SREK1: variants seen among roughly 807,000 people sequenced by gnomAD.
The protein encoded by SREK1 is splicing regulatory glutamine/lysine-rich protein 1.
SREK1 carries 13 observed loss-of-function variants against 66.5 expected under a neutral mutation model. The ratio of observed to expected loss-of-function variants is 0.20; its 90% confidence interval spans 0.13 to 0.31. The LOEUF is 0.31. Ranked by LOEUF, SREK1 falls within the 10% of genes least tolerant of loss-of-function variation. The pLI is 1.00. For synonymous variants in SREK1, 265 were observed against 263.5 expected, an observed-to-expected ratio of 1.01 and a Z score of -0.05; for missense variants, 607 against 769.6, an observed-to-expected ratio of 0.79 and a Z score of 2.50.
At position 66,164,863 on chromosome 5, in the gene SREK1, C is replaced by T; in HGVS notation, c.967C>T (p.His323Tyr). The change falls in exon 7 of 12, where the codon CAT (histidine) becomes TAT (tyrosine). Residue 323 changes from histidine (H) to tyrosine (Y), a missense_variant. Physicochemically the swap from His to Tyr is moderately conservative, Grantham distance 83. Transcript: ENST00000334121. ...RSKSRSSSKSHSRRKRSQSKH... is the reference protein window; with the variant it reads ...RSKSRSSSKSYSRRKRSQSKH... ...AAAATCCAGGTCTAGCTCAAAATCCCATTCTAGAAGGAAAAGATCACAATC... is the reference window on the plus strand; with the variant it reads ...AAAATCCAGGTCTAGCTCAAAATCCTATTCTAGAAGGAAAAGATCACAATC... 1.9e-6 allele frequency: 3 copies of T among 1,613,928 alleles called. No individual in the cohort carries two copies. The South Asian group carries it at 3.3e-5, about 18-fold the overall frequency.
At chr5:66,170,542 A>T (rs370967786) in intron 8 of SREK1, 43 bp from the exon 9 acceptor site, 6 of 1,556,050 alleles carry the variant, frequency 3.9e-6, no homozygotes, top group Non-Finnish European at 5.2e-6. Flanking sequence ...TGGAGGAGGT[A>T]GAACTATTTT....
chr5:66,163,750 A>G, intron 5 of SREK1, 42 bp from the exon 6 acceptor site: 1 of 1,577,082 alleles, frequency 6.3e-7, no homozygotes, highest in Non-Finnish European at 8.6e-7. Flanking sequence ...TGTTTTATAA[A>G]ATGTGGTGTG....
chr5:66,156,307 T>C, intron 2 of SREK1: 2 of 1,310,228 alleles, frequency 1.5e-6, no homozygotes, highest in Admixed American at 7.4e-5. Flanking sequence ...TCTTTCACTT[T>C]AACTTGTGAG....
intron 1 of SREK1, 23 bp downstream of exon 1, chr5:66,144,560 G>C (rs1335690951): frequency 1.3e-5 from 20 of 1,540,870 alleles, no homozygotes; most frequent in Non-Finnish European, 1.7e-5. Flanking sequence ...GCTCGGCTGG[G>C]GGAGGGGCGC....
intron 1 of SREK1, among the ~76,000 whole-genome samples, chr5:66,147,941 CTTAT>C (rs1743410499): frequency 6.6e-6 from 1 of 151,864 alleles, no homozygotes; most frequent in Non-Finnish European, 1.5e-5. Flanking sequence ...ATATTGCTGT[CTTAT>C]TTATAGTAAT....
chr5:66,164,930 T>C (rs759349293), intron 7 of SREK1, 33 bp downstream of exon 7: 4 of 1,560,988 alleles, frequency 2.6e-6, no homozygotes, highest in Non-Finnish European at 3.5e-6. Context: ...TTAAATTTTA[T>C]TTTAGTTTTG....
At chr5:66,162,048 G>A (rs1290816042) in intron 3 of SREK1, 61 bp from the exon 4 acceptor site, 22 of 1,543,066 alleles carry the variant, frequency 1.4e-5, no homozygotes, top group African/African-American at 2.8e-5. Flanking sequence ...ATTAGAGAAT[G>A]GTATCTTTGG....
rs551913748 is a variant in SREK1 at position 66,172,598 on chromosome 5, A to G, written c.1484+1651A>G. ...TTTAGTAGAGATGGAGTTTCACCAT[A>G]TTGGCCAGGTTGATCTTGAACTCCT... On this transcript the variant is annotated intron_variant, in intron 9 of 11. Coordinates refer to ENST00000334121, the MANE Select transcript of SREK1 (RefSeq NM_001077199.3). 5.3e-5 allele frequency among the ~76,000 whole-genome samples: 8 copies of G among 151,884 alleles called. No homozygotes were observed. The South Asian group carries it at 1.7e-3, about 32-fold the overall frequency.
chr5:66,181,276 A>G lies in SREK1; in HGVS notation c.*2408A>G, dbSNP rs1266343640. The G allele has an allele frequency of 6.6e-6, 1 of 152,102 alleles. No homozygotes were observed. The highest frequency in any genetic ancestry group is 1.9e-4 in the East Asian group (1 of 5,188). The allele number at this position is 152,102 out of a possible 1,614,324, so 9.4% of individuals were successfully genotyped here. ...GGAAGCAAGGCATTCTAGGGTCTAG[A>G]GGGATGTGTGTGTGTGCTTGTGTGT... On this transcript the variant is annotated 3_prime_UTR_variant, in exon 12 of 12. Transcript: ENST00000334121.
intron 1 of SREK1, among the ~76,000 whole-genome samples, chr5:66,152,408 A>G (rs1472863009): frequency 6.7e-6 from 1 of 149,328 alleles, no homozygotes; most frequent in East Asian, 1.9e-4. Flanking sequence ...TGCTAATTTA[A>G]TAGTATGTCA....
chr5:66,169,528 A>G (rs371266426), intron 7 of SREK1: 54 of 152,386 alleles, frequency 3.5e-4, no homozygotes, highest in African/African-American at 1.3e-3. Context: ...GGTAGCTATG[A>G]TTATAGTTAC....
chr5:66,178,667 C>CA, intron 11 of SREK1, 52 bp from the exon 12 acceptor site: 1 of 1,466,696 alleles, frequency 6.8e-7, no homozygotes, highest in Non-Finnish European at 9.1e-7. Context: ...GTCGTCATAG[C>CA]AGGCAGTTCT....
chr5:66,157,307 A>T (rs1254587528), intron 2 of SREK1: 1 of 984,148 alleles, frequency 1.0e-6, no homozygotes, highest in African/African-American at 1.8e-5. Context: ...AGTGTTGAAT[A>T]CCCTTTTTGT....
rs200221671 is a variant in SREK1, at chr5:66,159,428, TTC to T, written c.411+96_411+97del. 2,696 of 926,372 alleles carry T rather than the reference TTC, an allele frequency of 2.9e-3. 2 individuals carry two copies. The highest frequency in any genetic ancestry group is 8.1e-3 in the East Asian group (212 of 26,174). The allele number at this position is 926,372 out of a possible 1,614,324, so 57.4% of individuals were successfully genotyped here. On this transcript the variant is annotated intron_variant, in intron 3 of 11. Coordinates refer to ENST00000334121, the MANE Select transcript of SREK1 (RefSeq NM_001077199.3). ...TCAGATTATTTGCATTTGGATCTTCTTCTTTTTTTTTTTTTTAATAGAGAGGA... is the reference window on the plus strand; with the variant it reads ...TCAGATTATTTGCATTTGGATCTTCTTTTTTTTTTTTTTTAATAGAGAGGA...
At position 66,182,008 on chromosome 5, in the gene SREK1, G is replaced by C. The variant is rs1270828303; in HGVS notation, c.*3140G>C. ...TCTTTATTTTAAAACTTAGAACCCTGATCTAACTCCCTTCTCAAGTGAAGA... is the reference window on the plus strand; with the variant it reads ...TCTTTATTTTAAAACTTAGAACCCTCATCTAACTCCCTTCTCAAGTGAAGA... On this transcript the variant is annotated 3_prime_UTR_variant, in exon 12 of 12. Transcript: ENST00000334121. 6.6e-6 allele frequency: 1 copy of C among 150,572 alleles called. No homozygotes were observed. Among genetic ancestry groups the C allele is most frequent in the Non-Finnish European group, 1.5e-5 (1 of 67,748 alleles). The allele number at this position is 150,572 out of a possible 1,614,324, so 9.3% of individuals were successfully genotyped here. A position where few individuals can be genotyped will look rare whatever the true frequency, so the allele number is the denominator to read the frequency against.
In SREK1 at chr5:66,179,929, T is replaced by G. The variant is rs1746372616; in HGVS notation, c.*1061T>G. 6.6e-6 allele frequency: 1 copy of G among 152,578 alleles called. No homozygotes were observed. Among genetic ancestry groups the G allele is most frequent in the South Asian group, 2.1e-4 (1 of 4,828 alleles). The allele number at this position is 152,578 out of a possible 1,614,324, so 9.5% of individuals were successfully genotyped here. A position where few individuals can be genotyped will look rare whatever the true frequency, so the allele number is the denominator to read the frequency against. On this transcript the variant is annotated 3_prime_UTR_variant, in exon 12 of 12. Transcript: ENST00000334121. ...CCTAAAATGAGAAGGAAGTCCTGTTTTCAAGAATGACATTAGAGTCATGCA... is the reference window on the plus strand; with the variant it reads ...CCTAAAATGAGAAGGAAGTCCTGTTGTCAAGAATGACATTAGAGTCATGCA...
At chr5:66,170,440 A>T (rs1231003030) in intron 8 of SREK1, 145 bp from the exon 9 acceptor site, 1 of 1,183,394 alleles carries the variant, frequency 8.5e-7, no homozygotes, top group Non-Finnish European at 1.2e-6. Context: ...AGCTTCTTGT[A>T]CACCTGAGCT....
At chr5:66,155,682 A>T (rs1008966126) in intron 2 of SREK1, among the ~76,000 whole-genome samples, 2 of 152,220 alleles carry the variant, frequency 1.3e-5, no homozygotes. Flanking sequence ...ATAGAAAAAA[A>T]TTTAAGAAGT....
chr5:66,156,481 T>C, intron 2 of SREK1: 1 of 1,011,414 alleles, frequency 9.9e-7, no homozygotes, highest in East Asian at 9.7e-5. Context: ...TCTTAATTTG[T>C]GTGTATGGAC....
Sources: allele counts gnomAD v4.1 joint callset (sites outside exome capture counted in the v4.1 genomes callset), GRCh38; gene constraint gnomAD v4.1.1; transcripts MANE v1.5; gene names NCBI Gene and HGNC (gene_info 2026-07-23, HGNC 2026-07-21).